Variants in MAGI2 observed in about 807,000 individuals in gnomAD.
MAGI2 encodes the protein membrane associated guanylate kinase, WW and PDZ domain containing 2.
In MAGI2, 35 loss-of-function variants were observed where a neutral mutation model predicts 133.3. The ratio of observed to expected loss-of-function variants is 0.26; its 90% CI spans 0.20 to 0.35. The LOEUF (loss-of-function observed/expected upper bound fraction) is 0.35, where lower values mean the gene tolerates loss of function less well. Among genes scored for constraint, MAGI2 ranks in the 10% least tolerant of loss-of-function variants. The pLI is 1.00. For missense variants in MAGI2, 1,636 were observed against 1,863.4 expected, an observed-to-expected ratio of 0.88 and a Z score of 2.25; for synonymous variants, 729 against 710.6, an observed-to-expected ratio of 1.03 and a Z score of -0.41.
intron 9 of MAGI2, among the ~76,000 whole-genome samples, chr7:78,282,527 T>TATCTA (rs1554322562): frequency 1.3e-5 from 2 of 151,932 alleles, no homozygotes; most frequent in African/African-American, 4.8e-5. Context: ...GAATATTTAC[T>TATCTA]ATCTATCTAT....
intron 2 of MAGI2, among the ~76,000 whole-genome samples, chr7:78,635,154 T>A (rs1809493365): frequency 6.6e-6 from 1 of 152,134 alleles, no homozygotes; most frequent in African/African-American, 2.4e-5. Context: ...ATGCATTATC[T>A]CCCAAATGGT....
intron 2 of MAGI2, among the ~76,000 whole-genome samples, chr7:78,903,731 A>AGTGTGTGTGT (rs57469274): frequency 6.4e-4 from 96 of 150,834 alleles, no homozygotes; most frequent in African/African-American, 2.3e-3. Flanking sequence ...CAAAGGCAAA[A>AGTGTGTGTGT]GTGTGTGTGT....
At chr7:79,208,189 T>C (rs1344469964) in intron 1 of MAGI2, among the ~76,000 whole-genome samples, 2 of 151,704 alleles carry the variant, frequency 1.3e-5, no homozygotes, top group Non-Finnish European at 2.9e-5. Flanking sequence ...CAAATAGAAT[T>C]ACATCAAACT....
intron 2 of MAGI2, among the ~76,000 whole-genome samples, chr7:78,840,287 T>C (rs574579767): frequency 5.7e-4 from 86 of 152,070 alleles, no homozygotes; most frequent in Non-Finnish European, 9.0e-4. Flanking sequence ...ATCTATATAA[T>C]TGGTTTTTTA....
chr7:79,428,504 A>G (rs1051646041), intron 1 of MAGI2, among the ~76,000 whole-genome samples: 2 of 152,192 alleles, frequency 1.3e-5, no homozygotes, highest in Non-Finnish European at 2.9e-5. Flanking sequence ...GTAGGATCAA[A>G]TGCTTTGGAC....
At chr7:78,174,109 T>C (rs978251269) in intron 14 of MAGI2, among the ~76,000 whole-genome samples, 3 of 152,220 alleles carry the variant, frequency 2.0e-5, no homozygotes, top group African/African-American at 7.2e-5. Context: ...TCCAGATCCT[T>C]ACTTGTTCTG....
At chr7:78,145,516 CTG>C (rs1823214124) in intron 16 of MAGI2, among the ~76,000 whole-genome samples, 2 of 152,090 alleles carry the variant, frequency 1.3e-5, no homozygotes, top group Admixed American at 1.3e-4. Flanking sequence ...CCGGATTGGT[CTG>C]CTGCTTCTCC....
At chr7:78,258,315 C>T (rs1330062413) in intron 9 of MAGI2, among the ~76,000 whole-genome samples, 1 of 152,098 alleles carries the variant, frequency 6.6e-6, no homozygotes, top group African/African-American at 2.4e-5. Flanking sequence ...CCATTCATCT[C>T]AGTGTCCCAG....
At chr7:78,873,455 C>T (rs777009851) in intron 2 of MAGI2, among the ~76,000 whole-genome samples, 14 of 151,924 alleles carry the variant, frequency 9.2e-5, no homozygotes, top group Non-Finnish European at 1.9e-4. Context: ...TGTTGTGAAC[C>T]CCACATGTAA....
chr7:79,063,283 A>G (rs565636874), intron 1 of MAGI2, among the ~76,000 whole-genome samples: 2 of 152,256 alleles, frequency 1.3e-5, no homozygotes, highest in Admixed American at 1.3e-4. Context: ...ATCATCAGCC[A>G]AATCAAAATT....
chr7:78,912,027 A>C (rs1420145023), intron 2 of MAGI2, among the ~76,000 whole-genome samples: 2 of 152,168 alleles, frequency 1.3e-5, no homozygotes, highest in Non-Finnish European at 2.9e-5. Context: ...ACCAAAAATT[A>C]TATTTTTAAT....
At chr7:78,397,328 G>A (rs1426444768) in intron 6 of MAGI2, among the ~76,000 whole-genome samples, 2 of 151,218 alleles carry the variant, frequency 1.3e-5, no homozygotes, top group African/African-American at 4.9e-5. Flanking sequence ...CAAAGTAGTT[G>A]TGAAAGTAAA....
chr7:78,333,257 A>G (rs1471634967), intron 9 of MAGI2, among the ~76,000 whole-genome samples: 1 of 152,224 alleles, frequency 6.6e-6, no homozygotes, highest in Non-Finnish European at 1.5e-5. Context: ...AAGGGAAAAC[A>G]TTATCAATGC....
At chr7:78,752,290 TC>T (rs1431291202) in intron 2 of MAGI2, among the ~76,000 whole-genome samples, 31 of 152,336 alleles carry the variant, frequency 2.0e-4, no homozygotes, top group African/African-American at 6.7e-4. Context: ...GATAGAATGA[TC>T]TTTTTGTCTT....
At chr7:78,274,660 GA>G (rs1794890354) in intron 9 of MAGI2, among the ~76,000 whole-genome samples, 2 of 152,060 alleles carry the variant, frequency 1.3e-5, no homozygotes, top group Non-Finnish European at 2.9e-5. Context: ...GTCTAGAGAG[GA>G]AGTCTGGCTG....
rs1184764295 is a variant in MAGI2, at chr7:78,019,588, C to T, written c.4095G>A (p.Gly1365=). The change falls in exon 22 of 22, where the codon GGG becomes GGA. Residue 1365 remains glycine (G), a synonymous_variant. Transcript: ENST00000354212. ...ADAADAARAG[G]KEAPRAAAGS... ...CCGCCGCCGCACGGGGCGCCTCCTT[C>T]CCGCCCGCCCGCGCCGCGTCCGCCG... 3 of 980,642 alleles carry T rather than the reference C, an allele frequency of 3.1e-6. No individual in the cohort carries two copies. The highest frequency in any genetic ancestry group is 3.6e-6 in the Non-Finnish European group (3 of 828,410). 60.7% of individuals were successfully genotyped at this position (980,642 alleles called of 1,614,324 possible).
chr7:78,587,308 A>G (rs916067308), intron 3 of MAGI2, among the ~76,000 whole-genome samples: 9 of 152,100 alleles, frequency 5.9e-5, no homozygotes, highest in Non-Finnish European at 1.3e-4. Flanking sequence ...TGTTCTGGCT[A>G]AGAATTTTTA....
At chr7:78,892,705 T>A (rs1243967634) in intron 2 of MAGI2, among the ~76,000 whole-genome samples, 3 of 152,188 alleles carry the variant, frequency 2.0e-5, no homozygotes, top group African/African-American at 7.2e-5. Context: ...GATCCCTTCC[T>A]TACACCTTAC....
intron 14 of MAGI2, among the ~76,000 whole-genome samples, chr7:78,169,780 G>C (rs1563210292): frequency 6.6e-6 from 1 of 152,200 alleles, no homozygotes; most frequent in African/African-American, 2.4e-5. Flanking sequence ...GCCTTAGACT[G>C]GCTGCACAGT....
Sources: allele counts gnomAD v4.1 joint callset (sites outside exome capture counted in the v4.1 genomes callset), GRCh38; gene constraint gnomAD v4.1.1; transcripts MANE v1.5; gene names NCBI Gene and HGNC (gene_info 2026-07-23, HGNC 2026-07-21).